The following CLNK variants were observed in gnomAD, a reference collection of about 807,000 sequenced individuals.
CLNK encodes the protein cytokine-dependent hematopoietic cell linker.
A neutral mutation model predicts 68.6 loss-of-function variants in CLNK; 74 were observed. The ratio of observed to expected loss-of-function variants is 1.08; its 90% CI spans 0.89 to 1.31. The LOEUF (loss-of-function observed/expected upper bound fraction) is 1.31. CLNK is among the 50% of genes most tolerant of loss of function. CLNK has a pLI of 0.00. For synonymous variants in CLNK, 198 were observed against 172.2 expected, an observed-to-expected ratio of 1.15 and a Z score of -1.17; for missense variants, 553 against 515.3, an observed-to-expected ratio of 1.07 and a Z score of -0.71.
At chr4:10,687,468 AGAAG>A, upstream of CLNK, among the ~76,000 whole-genome samples, 1 of 152,116 alleles carries the variant, frequency 6.6e-6, no homozygotes, top group East Asian at 1.9e-4. Context: ...GGAAGAGGAG[AGAAG>A]GAAGGAAGGA....
chr4:10,608,867 G>A (rs1016844895), intron 2 of CLNK, among the ~76,000 whole-genome samples: 3 of 152,120 alleles, frequency 2.0e-5, no homozygotes, highest in South Asian at 2.1e-4. Flanking sequence ...TAGAACTGGC[G>A]TTTGGTGAGA....
At chr4:10,550,082 A>C (rs1168851576) in intron 8 of CLNK, among the ~76,000 whole-genome samples, 2 of 152,242 alleles carry the variant, frequency 1.3e-5, no homozygotes, top group African/African-American at 4.8e-5. Context: ...AGACCTCTTG[A>C]AGAAGGAAAA....
chr4:10,620,632 G>A (rs1475409745), intron 2 of CLNK, among the ~76,000 whole-genome samples: 1 of 152,104 alleles, frequency 6.6e-6, no homozygotes. Context: ...TCTCAAAACC[G>A]AGACCCAGTT....
chr4:10,640,450 G>A (rs151076273), intron 2 of CLNK, among the ~76,000 whole-genome samples: 228 of 152,352 alleles, frequency 1.5e-3, no homozygotes, highest in African/African-American at 4.5e-3. Flanking sequence ...ACAGGCGTGA[G>A]CCATTGCACC....
the CLNK span, among the ~76,000 whole-genome samples, chr4:10,718,622 G>A: frequency 4.6e-5 from 7 of 151,606 alleles, no homozygotes; most frequent in Admixed American, 1.3e-4. Context: ...AGAAGAATTC[G>A]TCACTAGCAG....
chr4:10,715,967 A>G, the CLNK span, among the ~76,000 whole-genome samples: 3 of 152,218 alleles, frequency 2.0e-5, no homozygotes, highest in African/African-American at 7.2e-5. Flanking sequence ...AGTCATCAAG[A>G]AGAGGTGAAT....
upstream of CLNK, among the ~76,000 whole-genome samples, chr4:10,685,977 T>A (rs1241731627): frequency 6.6e-6 from 1 of 152,116 alleles, no homozygotes; most frequent in Non-Finnish European, 1.5e-5. Flanking sequence ...CCATATTAAT[T>A]TTCTGGGGTT....
intron 3 of CLNK, among the ~76,000 whole-genome samples, chr4:10,591,186 G>C (rs1156371315): frequency 6.6e-6 from 1 of 152,154 alleles, no homozygotes; most frequent in Non-Finnish European, 1.5e-5. Flanking sequence ...AGGATGCTTA[G>C]AACTGTGTCT....
At chr4:10,682,682 T>C (rs1390171088) in intron 1 of CLNK, among the ~76,000 whole-genome samples, 2 of 152,196 alleles carry the variant, frequency 1.3e-5, no homozygotes, top group Non-Finnish European at 2.9e-5. Context: ...TTTTTGACAA[T>C]CTCAAAGCCC....
At chr4:10,648,564 G>A (rs1051769902) in intron 2 of CLNK, among the ~76,000 whole-genome samples, 2 of 152,154 alleles carry the variant, frequency 1.3e-5, no homozygotes, top group Non-Finnish European at 2.9e-5. Context: ...GCTACTTCAA[G>A]CATGGTCATA....
intron 2 of CLNK, among the ~76,000 whole-genome samples, chr4:10,609,538 A>C (rs909345522): frequency 6.6e-6 from 1 of 152,232 alleles, no homozygotes; most frequent in Non-Finnish European, 1.5e-5. Context: ...ATTTCCTGAC[A>C]TTAGGGACCA....
At chr4:10,699,203 A>G in the CLNK span, among the ~76,000 whole-genome samples, 1 of 129,590 alleles carries the variant, frequency 7.7e-6, no homozygotes, top group Non-Finnish European at 1.7e-5. Context: ...TCTCTTAAAC[A>G]CACACATACA....
rs1720114378 is a variant in CLNK at position 10,566,328 on chromosome 4, G to A, written c.151-178C>T. 3.9e-5 allele frequency among the ~76,000 whole-genome samples: 6 copies of A among 152,178 alleles called. No homozygotes were observed. In the South Asian group the frequency reaches 1.2e-3, roughly 31 times the overall value. The stretch of plus-strand genomic sequence containing the variant: ...TTCTTGTGCTAGTGAGAATTCTAAA[G>A]ATATCTCCCAATATTCTCATCTCTG... On this transcript the variant is annotated intron_variant, in intron 5 of 18. Transcript: ENST00000226951.
At chr4:10,688,954 C>T (rs1048535408), upstream of CLNK, among the ~76,000 whole-genome samples, 4 of 151,906 alleles carry the variant, frequency 2.6e-5, no homozygotes, top group East Asian at 1.9e-4. Flanking sequence ...AGTTTCCCCC[C>T]GAGAAACAGA....
upstream of CLNK, among the ~76,000 whole-genome samples, chr4:10,687,205 A>G (rs1460306406): frequency 1.8e-5 from 1 of 54,456 alleles, no homozygotes; most frequent in African/African-American, 7.2e-5. Flanking sequence ...TATAGAGGTG[A>G]AAAAAAAAAA....
At chr4:10,706,026 C>A in the CLNK span, among the ~76,000 whole-genome samples, 480 of 152,332 alleles carry the variant, frequency 3.2e-3, 1 homozygote, top group African/African-American at 0.011. Context: ...GCAGCTCTGT[C>A]TGAAGACAGA....
At chr4:10,575,709 T>C (rs2108830992) in intron 4 of CLNK, among the ~76,000 whole-genome samples, 1 of 152,362 alleles carries the variant, frequency 6.6e-6, no homozygotes, top group Non-Finnish European at 1.5e-5. Context: ...GTTCTTGCCT[T>C]GATAGCTGGG....
chr4:10,724,047 T>C, the CLNK span, among the ~76,000 whole-genome samples: 1 of 152,282 alleles, frequency 6.6e-6, no homozygotes, highest in Non-Finnish European at 1.5e-5. Flanking sequence ...CTTTGCGCGA[T>C]ATTTCAGACC....
intron 2 of CLNK, among the ~76,000 whole-genome samples, chr4:10,634,919 C>T (rs527365282): frequency 6.6e-6 from 1 of 152,288 alleles, no homozygotes; most frequent in South Asian, 2.1e-4. Flanking sequence ...AAGGCCTCTC[C>T]CCCTTGCATG....
Sources: gnomAD v4.1 joint callset for allele counts (sites outside exome capture counted in the v4.1 genomes callset) on GRCh38, gnomAD v4.1.1 for gene constraint, MANE v1.5 for transcripts, NCBI Gene and HGNC (gene_info 2026-07-23, HGNC 2026-07-21) for gene names.